GALNT13: variants seen among roughly 807,000 people sequenced by gnomAD.
The protein encoded by GALNT13 is polypeptide N-acetylgalactosaminyltransferase 13.
Under a neutral mutation model 64.2 loss-of-function variants are expected in GALNT13, and 28 were observed. That is an observed-to-expected ratio of 0.44 (90% CI 0.32 to 0.60). GALNT13 has a LOEUF of 0.60. GALNT13 is among the 20% of genes least tolerant of loss of function. GALNT13 has a pLI of 0.05. For missense variants in GALNT13, 577 were observed against 669.8 expected, an observed-to-expected ratio of 0.86 and a Z score of 1.53; for synonymous variants, 214 against 224.6, an observed-to-expected ratio of 0.95 and a Z score of 0.42.
the GALNT13 span, among the ~76,000 whole-genome samples, chr2:153,685,995 G>T: frequency 6.6e-6 from 1 of 151,930 alleles, no homozygotes; most frequent in African/African-American, 2.4e-5. Flanking sequence ...CTGCTCCATT[G>T]GTCTGTGTGT....
chr2:154,073,228 CTGTT>C (rs70981702), intron 3 of GALNT13, among the ~76,000 whole-genome samples: 49,079 of 151,552 alleles, frequency 0.32, 8,477 homozygotes, highest in Middle Eastern at 0.52. Flanking sequence ...ACTTGTGCGA[CTGTT>C]TGAGTTGCAA....
chr2:153,584,341 ACAACC>A, the GALNT13 span, among the ~76,000 whole-genome samples: 5 of 152,068 alleles, frequency 3.3e-5, no homozygotes, highest in Admixed American at 3.3e-4. Flanking sequence ...TGGGTGTTTC[ACAACC>A]CAGTCCACCA....
intron 4 of GALNT13, among the ~76,000 whole-genome samples, chr2:154,149,278 T>C (rs1410526859): frequency 1.3e-5 from 2 of 152,206 alleles, no homozygotes; most frequent in Non-Finnish European, 2.9e-5. Flanking sequence ...TTCTATTCCA[T>C]TGATCTATAT....
chr2:153,528,939 T>C, the GALNT13 span, among the ~76,000 whole-genome samples: 4 of 151,816 alleles, frequency 2.6e-5, no homozygotes, highest in Non-Finnish European at 4.4e-5. Flanking sequence ...CAGAGGGAAG[T>C]ATATAGCTAT....
chr2:153,555,867 G>A, the GALNT13 span, among the ~76,000 whole-genome samples: 1 of 152,128 alleles, frequency 6.6e-6, no homozygotes. Flanking sequence ...ATTATAAGAA[G>A]ATTATTAGCA....
the GALNT13 span, among the ~76,000 whole-genome samples, chr2:153,119,048 G>A: frequency 3.3e-5 from 5 of 151,940 alleles, no homozygotes; most frequent in African/African-American, 4.8e-5. Flanking sequence ...CCTACTCTTC[G>A]CTTTGCACTT....
intron 9 of GALNT13, among the ~76,000 whole-genome samples, chr2:154,357,474 C>T (rs1696815930): frequency 6.6e-6 from 1 of 151,990 alleles, no homozygotes; most frequent in Non-Finnish European, 1.5e-5. Context: ...TGGGGTGCTG[C>T]TGACATTTAA....
chr2:153,598,763 T>C, the GALNT13 span, among the ~76,000 whole-genome samples: 431 of 152,198 alleles, frequency 2.8e-3, 9 homozygotes, highest in Admixed American at 0.023. Flanking sequence ...ATATTAGTAA[T>C]AGCTGTTTAA....
Position 154,021,673 on chromosome 2 carries a change from C to T in GALNT13, c.142+77034C>T, listed in dbSNP as rs565075756. 1.2e-3 allele frequency among the ~76,000 whole-genome samples: 189 copies of T among 151,872 alleles called. 5 individuals are homozygous for T. The South Asian group carries it at 0.038, about 31-fold the overall frequency. Reference sequence around the variant, plus strand: ...CAGGGACAATTTGACTTTCTCTTTTCCTAATTGAATACCCTTTATTTCCTT... The same window carrying T: ...CAGGGACAATTTGACTTTCTCTTTTTCTAATTGAATACCCTTTATTTCCTT... On this transcript the variant is annotated intron_variant, in intron 3 of 12. Transcript: ENST00000392825.
intron 3 of GALNT13, among the ~76,000 whole-genome samples, chr2:154,128,929 A>C (rs1367784112): frequency 6.6e-6 from 1 of 152,152 alleles, no homozygotes. Context: ...TAATTGATAT[A>C]ATTTCATATT....
At chr2:154,310,978 A>AGAATATTCTAAGAATATATATTCT (rs1694002212) in intron 9 of GALNT13, among the ~76,000 whole-genome samples, 20 of 151,372 alleles carry the variant, frequency 1.3e-4, no homozygotes, top group Admixed American at 4.6e-4. Flanking sequence ...ATATATATTC[A>AGAATATTCTAAGAATATATATTCT]TAGAATATTC....
chr2:153,571,449 G>T, the GALNT13 span, among the ~76,000 whole-genome samples: 1 of 151,636 alleles, frequency 6.6e-6, no homozygotes, highest in Non-Finnish European at 1.5e-5. Flanking sequence ...TATTTCTTTT[G>T]TCTGAATTAC....
chr2:153,674,616 A>G, the GALNT13 span, among the ~76,000 whole-genome samples: 2 of 152,206 alleles, frequency 1.3e-5, no homozygotes, highest in Admixed American at 6.5e-5. Context: ...AACCTAGGCA[A>G]TACCATTCAG....
chr2:154,455,872 G>A (rs1256454434), downstream of GALNT13, among the ~76,000 whole-genome samples: 7 of 152,120 alleles, frequency 4.6e-5, no homozygotes, highest in Admixed American at 6.6e-5. Flanking sequence ...CCACTTCTGC[G>A]ATACTTGTGT....
the GALNT13 span, among the ~76,000 whole-genome samples, chr2:153,101,611 C>T: frequency 4.6e-5 from 7 of 152,248 alleles, no homozygotes; most frequent in Non-Finnish European, 7.4e-5. Context: ...ATTAAAAGGA[C>T]GTTTGTGAAA....
the GALNT13 span, among the ~76,000 whole-genome samples, chr2:153,866,100 G>C: frequency 9.5e-6 from 1 of 105,042 alleles, no homozygotes; most frequent in Non-Finnish European, 2.0e-5. Context: ...TCATAGGTGG[G>C]AATTGAACAA....
At chr2:153,604,809 G>T in the GALNT13 span, among the ~76,000 whole-genome samples, 1 of 152,010 alleles carries the variant, frequency 6.6e-6, no homozygotes, top group Non-Finnish European at 1.5e-5. Flanking sequence ...TTACATAAAG[G>T]AATACCTATT....
At chr2:153,852,227 G>C in the GALNT13 span, among the ~76,000 whole-genome samples, 3 of 152,134 alleles carry the variant, frequency 2.0e-5, no homozygotes, top group African/African-American at 7.2e-5. Flanking sequence ...ATTAAAGGCA[G>C]AGATTGCCAC....
chr2:153,300,814 AT>A, the GALNT13 span, among the ~76,000 whole-genome samples: 1 of 152,198 alleles, frequency 6.6e-6, no homozygotes, highest in East Asian at 1.9e-4. Flanking sequence ...TTGTGCTTGA[AT>A]TAGTGGTTAT....
Sources: gnomAD v4.1 joint callset for allele counts (sites outside exome capture counted in the v4.1 genomes callset) on GRCh38, gnomAD v4.1.1 for gene constraint, MANE v1.5 for transcripts, NCBI Gene and HGNC (gene_info 2026-07-23, HGNC 2026-07-21) for gene names.